Variants in MYBPH observed in about 807,000 individuals in gnomAD.
MYBPH encodes myosin binding protein H.
MYBPH carries 49 observed loss-of-function variants against 53.6 expected under a neutral mutation model. The ratio of observed to expected loss-of-function variants is 0.91; its 90% confidence interval spans 0.73 to 1.16. The LOEUF is 1.16. Among genes scored for constraint, MYBPH ranks in the 50% most tolerant of loss-of-function variants. The pLI is 0.00. For missense variants in MYBPH, 558 were observed against 624.1 expected (o/e 0.89, Z 1.13); for synonymous variants, 239 against 249.6 (o/e 0.96, Z 0.40).
intron 3 of MYBPH, among the ~76,000 whole-genome samples, chr1:203,173,342 G>T (rs960160681): frequency 1.3e-5 from 2 of 152,236 alleles, no homozygotes; most frequent in African/African-American, 2.4e-5. Context: ...CTCACCTAGA[G>T]CCAAAGGCTG....
intron 8 of MYBPH, 70 bp downstream of exon 8, chr1:203,169,183 A>C: frequency 6.3e-7 from 1 of 1,576,520 alleles, no homozygotes; most frequent in African/African-American, 1.3e-5. Context: ...GGACGCCCGG[A>C]GGATTCCTCA....
chr1:203,178,571 T>C (rs961069779), upstream of MYBPH, among the ~76,000 whole-genome samples: 6 of 152,228 alleles, frequency 3.9e-5, no homozygotes, highest in African/African-American at 1.4e-4. Context: ...TCCCACCACC[T>C]TCCTGTGGAT....
At chr1:203,177,096 G>A (rs532739026), upstream of MYBPH, among the ~76,000 whole-genome samples, 3 of 152,322 alleles carry the variant, frequency 2.0e-5, no homozygotes, top group South Asian at 2.1e-4. Context: ...GAAATGTTGC[G>A]TCTCATCTGT....
In MYBPH at chr1:203,168,952, T is replaced by A; in HGVS notation, c.1371A>T (p.Ile457=). The A allele has an allele frequency of 6.2e-7, 1 of 1,613,984 alleles. No individual in the cohort carries two copies. Among genetic ancestry groups the A allele is most frequent in the African/African-American group, 1.3e-5 (1 of 75,008 alleles). Residue 457 remains isoleucine, a synonymous_variant, in exon 9 of 11, where the codon ATA becomes ATT. Coordinates refer to ENST00000255416, the MANE Select transcript of MYBPH (RefSeq NM_004997.3). ...CCACAGATGCCTCCCCCAGCACATT[T>A]ATGGCCTTGCAGGTGTAGACCCCAG... ...FDSGVYTCKA[I]NVLGEASVDC... is the part of the protein sequence containing the mutation.
Position 203,175,729 on chromosome 1 carries a change from G to A in MYBPH, c.27C>T (p.Gly9=), listed in dbSNP as rs752214552. The A allele has an allele frequency of 6.2e-7, 1 of 1,614,038 alleles. No individual in the cohort carries two copies. The highest frequency in any genetic ancestry group is 1.1e-5 in the South Asian group (1 of 91,082). ...CGGTCTCCTCTGGACTGCAGGCAGG[G>A]CCCTCGGAGGTGTTTTTTTCCATCA... MMEKNTSE[G]PACSPEETAS... is the part of the protein sequence containing the mutation. Residue 9 remains glycine (G), a synonymous_variant, in exon 1 of 11, where the codon GGC becomes GGT. Transcript: ENST00000255416.
chr1:203,176,350 A>C (rs1170257513), upstream of MYBPH, among the ~76,000 whole-genome samples: 1 of 151,744 alleles, frequency 6.6e-6, no homozygotes, highest in African/African-American at 2.4e-5. Context: ...AGAGGGAGGG[A>C]ATTGAGATGC....
Position 203,174,493 on chromosome 1 carries a change from TC to T in MYBPH, c.444del (p.Ser149ValfsTer72), listed in dbSNP as rs1367829579. On this transcript the variant is annotated frameshift_variant, in exon 3 of 11. Transcript: ENST00000255416. LOFTEE classifies it high-confidence loss of function. The stretch of plus-strand genomic sequence containing the variant: ...GCCGGCGGGCCAGCCCCTGCAGAAC[TC>T]ACTGCAGACACGCGCAGGAGGAACT... ...GDKFLLRVSA[V>X]SSAGAGPPAM... The T allele has an allele frequency of 1.2e-6, 2 of 1,613,244 alleles. No individual in the cohort carries two copies. The highest frequency in any genetic ancestry group is 1.7e-6 in the Non-Finnish European group (2 of 1,179,270).
chr1:203,170,336 T>A lies in MYBPH; in HGVS notation c.1048A>T (p.Thr350Ser). 6.2e-7 allele frequency: 1 copy of A among 1,614,058 alleles called. No homozygotes were observed. The highest frequency in any genetic ancestry group is 8.5e-7 in the Non-Finnish European group (1 of 1,179,998). ...VFSENLCGLS[T>S]SATVTKELAH... ...AGCTCCTTGGTGACGGTGGCCGAGG[T>A]GCTGAGTCCACACAGGTTTTCTGAG... is the stretch of plus-strand genomic sequence containing the variant. The change falls in exon 7 of 11, where the codon ACC (threonine) becomes TCC (serine). Residue 350 changes from threonine to serine, a missense_variant. Coordinates refer to ENST00000255416, the MANE Select transcript of MYBPH (RefSeq NM_004997.3).
chr1:203,168,883 T>C (rs777819611), intron 9 of MYBPH, 23 bp downstream of exon 9: 3 of 1,612,924 alleles, frequency 1.9e-6, no homozygotes, highest in South Asian at 2.2e-5. Context: ...CTTACTCCTG[T>C]TCTCCCGTCC....
rs1655766812 is a variant in MYBPH at position 203,174,749 on chromosome 1, A to G, written c.341-152T>C. ...TTTGCCTTCCCTGACTTCTTGTCAAATGGCATCAAAGACACCTGATGTTAG... is the reference window on the plus strand; with the variant it reads ...TTTGCCTTCCCTGACTTCTTGTCAAGTGGCATCAAAGACACCTGATGTTAG... On this transcript the variant is annotated intron_variant, in intron 2 of 10. Coordinates refer to ENST00000255416, the MANE Select transcript of MYBPH (RefSeq NM_004997.3). The G allele has an allele frequency of 1.6e-5, 14 of 881,830 alleles. No homozygotes were observed. In the South Asian group the frequency reaches 2.9e-4, roughly 18 times the overall value. 54.6% of individuals were successfully genotyped at this position (881,830 alleles called of 1,614,324 possible).
In MYBPH at chr1:203,171,539, GGCC is replaced by G; in HGVS notation, c.634_636del (p.Gly212del). The stretch of plus-strand genomic sequence containing the variant: ...CTCACCCGCTGGCTGTCCAGGGCAT[GGCC>G]GTTGTGGGTCCATGTGGCCTGAGGC... On this transcript the variant is annotated inframe_deletion, in exon 5 of 11. Transcript: ENST00000255416. This position sits in a 1 kb window ranked among gnomAD's most constrained non-coding sequence, Gnocchi z 4.2. 6.2e-7 allele frequency: 1 copy of G among 1,613,492 alleles called. No individual in the cohort carries two copies. The highest frequency in any genetic ancestry group is 8.5e-7 in the Non-Finnish European group (1 of 1,179,928).
chr1:203,170,590 A>T, intron 6 of MYBPH, 140 bp from the exon 7 acceptor site: 2 of 1,157,574 alleles, frequency 1.7e-6, no homozygotes, highest in South Asian at 1.7e-5. Context: ...GGCCTCAGGG[A>T]CATTGAATTG....
intron 3 of MYBPH, among the ~76,000 whole-genome samples, chr1:203,173,508 C>T (rs1433535261): frequency 1.3e-5 from 2 of 152,230 alleles, no homozygotes; most frequent in East Asian, 3.8e-4. Context: ...CTTGGGATCT[C>T]CTTGGGCCTT....
rs765118628 is a variant in MYBPH, at chr1:203,174,525, C to T, written c.413G>A (p.Gly138Glu). Reference protein sequence around the residue: ...TQQTVRNLALGDKFLLRVSAV... With the variant: ...TQQTVRNLALEDKFLLRVSAV... ...AGACACGCGCAGGAGGAACTTGTCT[C>T]CCAGAGCCAGGTTCCGCACAGTCTG... The change falls in exon 3 of 11, where the codon GGA becomes GAA. Residue 138 changes from glycine (G) to glutamate (E), a missense_variant. By Grantham distance (98) the Gly-to-Glu change is moderately conservative. Transcript: ENST00000255416. 1 of 1,613,608 alleles carries T rather than the reference C, an allele frequency of 6.2e-7. No homozygotes were observed. The highest frequency in any genetic ancestry group is 8.5e-7 in the Non-Finnish European group (1 of 1,179,566).
rs771568014 is a variant in MYBPH, at chr1:203,171,476, G to A, written c.700C>T (p.Arg234Cys). The A allele has an allele frequency of 2.7e-5, 43 of 1,613,824 alleles. No homozygotes were observed. The highest frequency in any genetic ancestry group is 5.5e-5 in the South Asian group (5 of 91,088). ...CCAGAGTCGGAGCGCTGGGCCGAGC[G>A]AATGAAGAGGATGGAGTCCTGGTCC... ...TGDQDSILFI[R>C]SAQRSDSGRY... Residue 234 changes from arginine (R) to cysteine (C), a missense_variant, in exon 5 of 11, where the codon CGC becomes TGC. Coordinates refer to ENST00000255416, the MANE Select transcript of MYBPH (RefSeq NM_004997.3). The surrounding 1 kb of genome is among the most constrained non-coding windows in gnomAD (Gnocchi z 4.2).
At chr1:203,168,511 G>T in intron 10 of MYBPH, 116 bp downstream of exon 10, 1 of 1,013,560 alleles carries the variant, frequency 9.9e-7, no homozygotes, top group South Asian at 1.4e-5. Context: ...CCACAAGTTT[G>T]TGTCCACAGA....
Position 203,170,184 on chromosome 1 carries a change from C to T in MYBPH, c.1093+107G>A, listed in dbSNP as rs931901250. 3.5e-6 allele frequency: 5 copies of T among 1,409,298 alleles called. No individual in the cohort carries two copies. In the African/African-American group the frequency reaches 7.1e-5, roughly 20 times the overall value. The allele number at this position is 1,409,298 out of a possible 1,614,324, so 87.3% of individuals were successfully genotyped here. A position where few individuals can be genotyped will look rare whatever the true frequency, so the allele number is the denominator to read the frequency against. On this transcript the variant is annotated intron_variant, in intron 7 of 10. Transcript: ENST00000255416. ...TGGAGTGAGGAGACGGCAAGTGTTC[C>T]AGGGGCAGACGCCCAGGAGAAACCC...
intron 3 of MYBPH, among the ~76,000 whole-genome samples, chr1:203,172,981 A>G (rs1031687946): frequency 2.6e-5 from 4 of 152,220 alleles, no homozygotes; most frequent in Non-Finnish European, 5.9e-5. Context: ...CAGGGGGTCA[A>G]GAATGCTTGG....
upstream of MYBPH, among the ~76,000 whole-genome samples, chr1:203,176,324 A>C (rs1039044545): frequency 1.3e-5 from 2 of 152,020 alleles, no homozygotes; most frequent in African/African-American, 4.8e-5. Context: ...GTGCTGTATG[A>C]GGCTGAGGGC....
Sources: gnomAD v4.1 joint callset for allele counts (sites outside exome capture counted in the v4.1 genomes callset) on GRCh38, gnomAD v4.1.1 for gene constraint, Gnocchi (gnomAD v3.1) non-coding constraint, MANE v1.5 for transcripts, NCBI Gene and HGNC (gene_info 2026-07-23, HGNC 2026-07-21) for gene names.